Variants in MCTP2 observed in about 807,000 individuals in gnomAD.
MCTP2 encodes multiple C2 and transmembrane domain containing 2, also known as multiple C2 and transmembrane domain-containing protein 2.
A neutral mutation model predicts 111.6 loss-of-function variants in MCTP2; 132 were observed. The ratio of observed to expected loss-of-function variants is 1.18; its 90% CI spans 1.03 to 1.37. The LOEUF (loss-of-function observed/expected upper bound fraction) is 1.37, where lower values mean the gene tolerates loss of function less well. Among genes scored for constraint, MCTP2 ranks in the 40% most tolerant of loss-of-function variants. The pLI is 0.00. For missense variants in MCTP2, 1,183 were observed against 1,067.9 expected (o/e 1.11, Z -1.50); for synonymous variants, 395 against 387.7 (o/e 1.02, Z -0.22).
At chr15:94,303,649 A>G (rs2152343692) in intron 2 of MCTP2, among the ~76,000 whole-genome samples, 1 of 152,284 alleles carries the variant, frequency 6.6e-6, no homozygotes. Context: ...CCCGTGGTTC[A>G]GTCATCTCCC....
At chr15:94,343,414 A>C (rs1452613504) in intron 7 of MCTP2, 1 of 152,090 alleles carries the variant, frequency 6.6e-6, no homozygotes, top group African/African-American at 2.4e-5. Context: ...TTTCAGTTTA[A>C]ATTCTCAGTT....
At chr15:94,338,453 G>A (rs1051593111) in intron 4 of MCTP2, among the ~76,000 whole-genome samples, 1 of 150,020 alleles carries the variant, frequency 6.7e-6, no homozygotes, top group South Asian at 2.1e-4. Context: ...TGTAACACAC[G>A]CACAATACAT....
upstream of MCTP2, chr15:94,231,478 C>T (rs974038223): frequency 0.018 from 3 of 168 alleles, no homozygotes; most frequent in African/African-American, 0.12. Flanking sequence ...CGCCTCCTCC[C>T]CTTTAGGCGG....
At chr15:94,451,581 AG>A (rs1163063343) in intron 19 of MCTP2, among the ~76,000 whole-genome samples, 4 of 152,260 alleles carry the variant, frequency 2.6e-5, no homozygotes, top group Non-Finnish European at 4.4e-5. Context: ...TTATATGTTA[AG>A]GGAAAATAGA....
intron 19 of MCTP2, among the ~76,000 whole-genome samples, chr15:94,450,115 C>CA (rs907897709): frequency 3.3e-5 from 5 of 150,940 alleles, no homozygotes; most frequent in South Asian, 4.2e-4. Context: ...TTGCAGGCCA[C>CA]AAAAAAAAGT....
At chr15:94,394,872 A>G (rs146583397) in intron 14 of MCTP2, among the ~76,000 whole-genome samples, 1 of 152,298 alleles carries the variant, frequency 6.6e-6, no homozygotes, top group East Asian at 1.9e-4. Context: ...TTGTAGGAGC[A>G]GCTTATATTT....
At chr15:94,341,255 T>C (rs1466205306) in intron 7 of MCTP2, 1 of 302,038 alleles carries the variant, frequency 3.3e-6, no homozygotes, top group Non-Finnish European at 6.4e-6. Context: ...CAAATTTTAA[T>C]GTTCTCTAGT....
chr15:94,437,208 AT>A (rs1458365889), intron 17 of MCTP2, among the ~76,000 whole-genome samples: 1 of 151,002 alleles, frequency 6.6e-6, no homozygotes, highest in Non-Finnish European at 1.5e-5. Context: ...AACGTAACAT[AT>A]AGAATGGAAG....
chr15:94,477,363 G>T (rs2074450829), intron 22 of MCTP2, among the ~76,000 whole-genome samples: 1 of 152,152 alleles, frequency 6.6e-6, no homozygotes, highest in African/African-American at 2.4e-5. Flanking sequence ...ATTATTCACA[G>T]ATAATGGTCA....
chr15:94,296,403 G>A (rs2075279633), intron 1 of MCTP2, among the ~76,000 whole-genome samples: 3 of 152,072 alleles, frequency 2.0e-5, no homozygotes, highest in African/African-American at 4.8e-5. Flanking sequence ...TTTAAAAGTC[G>A]CTAACATTGT....
chr15:94,378,723 G>T (rs1407297249), intron 12 of MCTP2, among the ~76,000 whole-genome samples: 2 of 152,194 alleles, frequency 1.3e-5, no homozygotes, highest in Admixed American at 1.3e-4. Flanking sequence ...TCACAGCAAG[G>T]TGAGCAGGTC....
At chr15:94,235,839 G>A (rs1044309622) in intron 1 of MCTP2, among the ~76,000 whole-genome samples, 15 of 152,298 alleles carry the variant, frequency 9.8e-5, no homozygotes, top group African/African-American at 3.1e-4. Context: ...AGTTTTCATC[G>A]ATGCCACTGT....
At chr15:94,455,457 T>C (rs1373529055) in intron 19 of MCTP2, among the ~76,000 whole-genome samples, 2 of 151,984 alleles carry the variant, frequency 1.3e-5, no homozygotes, top group Non-Finnish European at 2.9e-5. Flanking sequence ...TTTTTTTTTT[T>C]AGACGGAGTC....
chr15:94,342,237 T>TCCCC (rs1320884491), intron 7 of MCTP2: 1 of 152,224 alleles, frequency 6.6e-6, no homozygotes, highest in Non-Finnish European at 1.5e-5. Flanking sequence ...TTAGCAGTAA[T>TCCCC]ATTGGCACTT....
At chr15:94,302,851 T>C (rs1422720691) in intron 2 of MCTP2, among the ~76,000 whole-genome samples, 1 of 152,080 alleles carries the variant, frequency 6.6e-6, no homozygotes, top group Non-Finnish European at 1.5e-5. Context: ...TTCATGCTAC[T>C]GATAGACATA....
At chr15:94,372,251 T>C (rs2079529251) in intron 12 of MCTP2, among the ~76,000 whole-genome samples, 1 of 152,188 alleles carries the variant, frequency 6.6e-6, no homozygotes, top group Admixed American at 6.5e-5. Context: ...CTTGCTATAG[T>C]GAATTGAGGA....
chr15:94,301,189 G>A (rs1005675200), intron 2 of MCTP2, among the ~76,000 whole-genome samples: 35 of 152,082 alleles, frequency 2.3e-4, no homozygotes, highest in African/African-American at 6.8e-4. Context: ...TGATTCTACC[G>A]TTCAGGGTTG....
chr15:94,273,671 AG>A, intron 1 of MCTP2: 1 of 189,568 alleles, frequency 5.3e-6, no homozygotes. Flanking sequence ...AGGTGGTTTG[AG>A]GACACTACAG....
At chr15:94,308,714 C>CT (rs76169169) in intron 2 of MCTP2, among the ~76,000 whole-genome samples, 35,822 of 151,526 alleles carry the variant, frequency 0.24, 5,685 homozygotes, top group African/African-American at 0.43. Context: ...GGTTGATAAA[C>CT]TTTTTTTTTA....
Sources: gnomAD v4.1 joint callset for allele counts (sites outside exome capture counted in the v4.1 genomes callset) on GRCh38, gnomAD v4.1.1 for gene constraint, MANE v1.5 for transcripts, NCBI Gene and HGNC (gene_info 2026-07-23, HGNC 2026-07-21) for gene names.